Variants in CAMK1D observed in about 807,000 individuals in gnomAD.
CAMK1D encodes calcium/calmodulin-dependent protein kinase type 1D.
CAMK1D carries 9 observed loss-of-function variants against 47.7 expected under a neutral mutation model. The observed-to-expected ratio is 0.19, with a 90% CI of 0.11 to 0.33. The LOEUF is 0.33. CAMK1D is among the 10% of genes least tolerant of loss of function. CAMK1D has a pLI of 1.00. For missense variants in CAMK1D, 291 were observed against 488.7 expected (o/e 0.60, Z 3.81); for synonymous variants, 184 against 184.9 (o/e 0.99, Z 0.04).
chr10:12,605,339 T>A (rs1455183443), intron 2 of CAMK1D, among the ~76,000 whole-genome samples: 2 of 149,064 alleles, frequency 1.3e-5, no homozygotes, highest in East Asian at 4.3e-4. Flanking sequence ...ACCATTCAAG[T>A]GTGTGTGTGT....
intron 1 of CAMK1D, among the ~76,000 whole-genome samples, chr10:12,404,821 T>C (rs1486357919): frequency 6.6e-6 from 1 of 151,800 alleles, no homozygotes; most frequent in African/African-American, 2.4e-5. Flanking sequence ...CACGAGAAGC[T>C]GGGACTGCAA....
At position 12,769,648 on chromosome 10, in the gene CAMK1D, T is replaced by C. The variant is rs183994893; in HGVS notation, c.439-25T>C. 138 of 1,613,078 alleles carry C rather than the reference T, an allele frequency of 8.6e-5. 1 individual carries two copies. In the African/African-American group the frequency reaches 9.6e-4, roughly 11 times the overall value. ...ACCCAGCTTTACACGTAGTTTGTAA[T>C]GTTTTTTTCTTATTTTCTTTCTAGC... On this transcript the variant is annotated intron_variant, in intron 4 of 10. Coordinates refer to ENST00000619168, the MANE Select transcript of CAMK1D (RefSeq NM_153498.4).
At chr10:12,702,887 A>G (rs954920504) in intron 3 of CAMK1D, among the ~76,000 whole-genome samples, 1 of 152,226 alleles carries the variant, frequency 6.6e-6, no homozygotes, top group African/African-American at 2.4e-5. Context: ...AGGAGTGCGC[A>G]TGATCTGAGA....
In CAMK1D at chr10:12,828,900, G is replaced by A. The variant is rs1441973533; in HGVS notation, c.*13G>A. The A allele has an allele frequency of 1.3e-6, 2 of 1,590,920 alleles. No individual in the cohort carries two copies. The highest frequency in any genetic ancestry group is 2.7e-5 in the African/African-American group (2 of 74,444). ...TGGAAGCAAGTGACTGGCCCTGGAGGTGGGGCCCGGGGTCGGGGCTGGGGA... is the reference window on the plus strand; with the variant it reads ...TGGAAGCAAGTGACTGGCCCTGGAGATGGGGCCCGGGGTCGGGGCTGGGGA... On this transcript the variant is annotated 3_prime_UTR_variant, in exon 11 of 11. Transcript: ENST00000619168.
chr10:12,693,983 AT>A (rs1564497667), intron 3 of CAMK1D, among the ~76,000 whole-genome samples: 10 of 3,698 alleles, frequency 2.7e-3, no homozygotes, highest in African/African-American at 7.4e-3. Context: ...AATATATATT[AT>A]ATATACATAT....
At chr10:12,627,121 G>A (rs958606960) in intron 2 of CAMK1D, among the ~76,000 whole-genome samples, 6 of 132,916 alleles carry the variant, frequency 4.5e-5, no homozygotes, top group African/African-American at 1.4e-4. Flanking sequence ...TTGCTCAGTC[G>A]CCCACACTGG....
chr10:12,762,076 T>G (rs1350444396), intron 4 of CAMK1D, among the ~76,000 whole-genome samples: 2 of 152,034 alleles, frequency 1.3e-5, no homozygotes, highest in East Asian at 3.9e-4. Flanking sequence ...TACTGAAGGG[T>G]GGATGTCACA....
chr10:12,670,270 A>C (rs949870588), intron 3 of CAMK1D, among the ~76,000 whole-genome samples: 11 of 151,748 alleles, frequency 7.2e-5, no homozygotes, highest in Middle Eastern at 6.8e-3. Flanking sequence ...TGTCTCGATG[A>C]TGAATCATGT....
intron 1 of CAMK1D, among the ~76,000 whole-genome samples, chr10:12,507,020 C>G (rs1834897652): frequency 6.6e-6 from 1 of 152,110 alleles, no homozygotes; most frequent in Non-Finnish European, 1.5e-5. Flanking sequence ...ATTAACTGCA[C>G]CAATTAATAG....
At chr10:12,593,702 T>C (rs1159858466) in intron 2 of CAMK1D, among the ~76,000 whole-genome samples, 1 of 152,176 alleles carries the variant, frequency 6.6e-6, no homozygotes, top group African/African-American at 2.4e-5. Context: ...AATTAATAAA[T>C]TGTGAATAAA....
At chr10:12,625,805 A>G (rs1374102079) in intron 2 of CAMK1D, among the ~76,000 whole-genome samples, 1 of 152,102 alleles carries the variant, frequency 6.6e-6, no homozygotes, top group African/African-American at 2.4e-5. Flanking sequence ...ATTCGTGAAG[A>G]TTACATTTGA....
At chr10:12,379,471 G>A (rs879754333) in intron 1 of CAMK1D, among the ~76,000 whole-genome samples, 11 of 152,096 alleles carry the variant, frequency 7.2e-5, no homozygotes, top group Non-Finnish European at 1.5e-4. Context: ...CTTAATTTGG[G>A]GCCAGTCTTG....
At chr10:12,425,007 T>C (rs1454574414) in intron 1 of CAMK1D, among the ~76,000 whole-genome samples, 2 of 152,224 alleles carry the variant, frequency 1.3e-5, no homozygotes, top group East Asian at 3.8e-4. Flanking sequence ...CCCTGTGGTC[T>C]CTCTACTTAT....
chr10:12,618,389 C>T (rs552377295), intron 2 of CAMK1D, among the ~76,000 whole-genome samples: 3 of 152,336 alleles, frequency 2.0e-5, no homozygotes, highest in South Asian at 2.1e-4. Context: ...GTGCTACTTA[C>T]TCTGTTTTCT....
chr10:12,488,115 A>C (rs901443121), intron 1 of CAMK1D, among the ~76,000 whole-genome samples: 1 of 152,184 alleles, frequency 6.6e-6, no homozygotes, highest in Admixed American at 6.5e-5. Context: ...GACTGCTAAC[A>C]ACTTGCTATT....
intron 2 of CAMK1D, among the ~76,000 whole-genome samples, chr10:12,603,696 C>A (rs550441056): frequency 1.7e-4 from 26 of 152,248 alleles, no homozygotes; most frequent in African/African-American, 6.3e-4. Flanking sequence ...TTGACCCATT[C>A]CCCCAGTCAC....
chr10:12,553,543 G>A (rs1302933862), intron 2 of CAMK1D, among the ~76,000 whole-genome samples, 187 bp downstream of exon 2: 2 of 152,146 alleles, frequency 1.3e-5, no homozygotes, highest in Non-Finnish European at 2.9e-5. Context: ...AACATTCACG[G>A]CCATGGTTGG....
At chr10:12,779,019 C>T (rs1162775369) in intron 5 of CAMK1D, among the ~76,000 whole-genome samples, 3 of 152,124 alleles carry the variant, frequency 2.0e-5, no homozygotes, top group Non-Finnish European at 4.4e-5. Context: ...AGCAGAGGCC[C>T]AGAGTCACGG....
intron 1 of CAMK1D, among the ~76,000 whole-genome samples, chr10:12,379,610 G>A (rs1205347474): frequency 5.3e-5 from 8 of 151,906 alleles, no homozygotes; most frequent in African/African-American, 9.7e-5. Context: ...AAAATTAGCC[G>A]GGCATGGTGG....
Sources: allele counts gnomAD v4.1 joint callset (sites outside exome capture counted in the v4.1 genomes callset), GRCh38; gene constraint gnomAD v4.1.1; transcripts MANE v1.5; gene names NCBI Gene and HGNC (gene_info 2026-07-23, HGNC 2026-07-21).